KLHL4: variants seen among roughly 807,000 people sequenced by gnomAD.
KLHL4 encodes kelch-like protein 4.
In KLHL4, 17 loss-of-function variants were observed where a neutral mutation model predicts 45.8. That is an observed-to-expected ratio of 0.37 (90% confidence interval 0.25 to 0.56). The LOEUF is 0.56. Among genes scored for constraint, KLHL4 ranks in the 20% least tolerant of loss-of-function variants. The pLI is 0.79. For missense variants in KLHL4, 544 were observed against 544.9 expected (o/e 1.00, Z 0.02); for synonymous variants, 224 against 189.9 (o/e 1.18, Z -1.47).
At chrX:87,655,768 T>C (rs1923971128) in intron 9 of KLHL4, among the ~76,000 whole-genome samples, 1 of 112,011 alleles carries the variant, frequency 8.9e-6, no homozygotes, top group South Asian at 3.7e-4. Context: ...GTGTAATTGT[T>C]TTATAAGACT....
rs1437032712 is a variant in KLHL4, at chrX:87,579,571, A to T, written c.423-34306A>T. Among the ~76,000 whole-genome samples the T allele has an allele frequency of 3.6e-5, 4 of 111,697 alleles. No homozygotes were observed. The Admixed American group carries it at 3.8e-4, about 11-fold the overall frequency. On this transcript the variant is annotated intron_variant, in intron 1 of 10. Coordinates refer to ENST00000373119, the MANE Select transcript of KLHL4 (RefSeq NM_019117.5). The stretch of plus-strand genomic sequence containing the variant: ...AATTATAAAAAGTCTAGGAGAGAGA[A>T]TTTTGAAATCTGTAAGAGACAGACA...
At chrX:87,599,665 G>A (rs1435338673) in intron 1 of KLHL4, among the ~76,000 whole-genome samples, 2 of 110,362 alleles carry the variant, frequency 1.8e-5, no homozygotes, top group Admixed American at 9.7e-5. Context: ...AAAAAACAGC[G>A]ATATGATTAT....
chrX:87,609,880 G>T (rs1303492327), intron 1 of KLHL4, among the ~76,000 whole-genome samples: 2 of 111,398 alleles, frequency 1.8e-5, no homozygotes, highest in African/African-American at 6.5e-5. Context: ...TAAACTAAAA[G>T]AGTGAGAACT....
chrX:87,570,199 C>G (rs1932306233), intron 1 of KLHL4, among the ~76,000 whole-genome samples: 1 of 110,861 alleles, frequency 9.0e-6, no homozygotes, highest in African/African-American at 3.3e-5. Context: ...GAGGAAGGAG[C>G]TATTTTATCT....
At chrX:87,616,127 G>A (rs1010362662) in intron 3 of KLHL4, among the ~76,000 whole-genome samples, 1 of 111,080 alleles carries the variant, frequency 9.0e-6, no homozygotes, top group Admixed American at 9.6e-5. Context: ...AAAGGACACT[G>A]GGAAAGTAAA....
intron 3 of KLHL4, among the ~76,000 whole-genome samples, chrX:87,617,570 G>T (rs1471187877): frequency 8.9e-6 from 1 of 111,749 alleles, no homozygotes; most frequent in African/African-American, 3.2e-5. Context: ...AATTAAAATT[G>T]TATGTGTTTA....
At chrX:87,597,639 T>C (rs1921879694) in intron 1 of KLHL4, among the ~76,000 whole-genome samples, 1 of 111,691 alleles carries the variant, frequency 9.0e-6, no homozygotes, top group Non-Finnish European at 1.9e-5. Flanking sequence ...AGCGAAAGCA[T>C]TCCTTTTTGA....
chrX:87,623,115 A>G (rs1922806444), intron 5 of KLHL4, among the ~76,000 whole-genome samples: 1 of 111,012 alleles, frequency 9.0e-6, no homozygotes, highest in Admixed American at 9.6e-5. Flanking sequence ...ATATCTATTG[A>G]ATTTGTGGCT....
At chrX:87,535,921 C>T (rs1339387851) in intron 1 of KLHL4, among the ~76,000 whole-genome samples, 1 of 109,927 alleles carries the variant, frequency 9.1e-6, no homozygotes, top group Non-Finnish European at 1.9e-5. Flanking sequence ...CAACCATGTG[C>T]GGTGCCTACT....
At chrX:87,521,187 A>C (rs1930992976) in intron 1 of KLHL4, among the ~76,000 whole-genome samples, 1 of 111,665 alleles carries the variant, frequency 9.0e-6, no homozygotes, top group Non-Finnish European at 1.9e-5. Flanking sequence ...ATGTGACTTT[A>C]AATATTTTTG....
At chrX:87,635,465 T>A (rs1205935346) in intron 8 of KLHL4, 98 bp from the exon 9 acceptor site, 4 of 607,661 alleles carry the variant, frequency 6.6e-6, no homozygotes, top group Non-Finnish European at 1.0e-5. Context: ...CTTGAAAAGC[T>A]TTGTACAAAG....
At chrX:87,595,938 G>A (rs780188031) in intron 1 of KLHL4, among the ~76,000 whole-genome samples, 2 of 111,685 alleles carry the variant, frequency 1.8e-5, no homozygotes, top group Non-Finnish European at 3.8e-5. Context: ...GGTGGGGCCT[G>A]TTGGGAGGTG....
intron 1 of KLHL4, among the ~76,000 whole-genome samples, chrX:87,565,685 C>CAAAAA (rs748577568): frequency 3.8e-5 from 1 of 26,268 alleles, no homozygotes; most frequent in Non-Finnish European, 6.3e-5. Context: ...GTGATTGTGC[C>CAAAAA]AAAAAAAAAA....
rs937588874 is a variant in KLHL4 at position 87,633,733 on chromosome X, A to C, written c.1550-16A>C. ...GCATACCTAGGTGAACCCACATATT[A>C]TTTTAATTTTTTTAGGTGTAGCCAC... On this transcript the variant is annotated splice_polypyrimidine_tract_variant and intron_variant, in intron 7 of 10. Coordinates refer to ENST00000373119, the MANE Select transcript of KLHL4 (RefSeq NM_019117.5). 2.1e-5 allele frequency: 25 copies of C among 1,163,129 alleles called. No individual in the cohort carries two copies. Among genetic ancestry groups the C allele is most frequent in the Non-Finnish European group, 2.9e-5 (25 of 868,651 alleles).
At position 87,518,250 on chromosome X, in the gene KLHL4, TTG is replaced by T; in HGVS notation, c.360_361del (p.Cys120Ter). 2.5e-6 allele frequency: 3 copies of T among 1,211,536 alleles called. No individual in the cohort carries two copies. In the South Asian group the frequency reaches 5.3e-5, roughly 21 times the overall value. On this transcript the variant is annotated frameshift_variant, in exon 1 of 11. Transcript: ENST00000373119. LOFTEE classifies it high-confidence loss of function. ...CAGAGAAGAATTTATTCAAAGAAGC[TTG>T]TGAGAAACGCGCACAAGATTTGGAG... ...VPEKNLFKEA[C>X]EKRAQDLEMM... is the part of the protein sequence containing the mutation.
At chrX:87,653,005 C>A (rs916410281) in intron 9 of KLHL4, among the ~76,000 whole-genome samples, 1 of 111,873 alleles carries the variant, frequency 8.9e-6, no homozygotes, top group African/African-American at 3.2e-5. Flanking sequence ...GAGAGCCAAG[C>A]AAAATGAGTT....
chrX:87,547,807 C>G (rs1292008256), intron 1 of KLHL4, among the ~76,000 whole-genome samples: 2 of 110,612 alleles, frequency 1.8e-5, no homozygotes, highest in African/African-American at 3.3e-5. Context: ...GGTGACAGAG[C>G]AAGACTCCAT....
intron 1 of KLHL4, among the ~76,000 whole-genome samples, chrX:87,560,389 T>C (rs1197555258): frequency 8.9e-6 from 1 of 112,016 alleles, no homozygotes; most frequent in Non-Finnish European, 1.9e-5. Flanking sequence ...TCAATAAGAA[T>C]GTTTTCATTT....
At chrX:87,591,713 C>T (rs1376826182) in intron 1 of KLHL4, among the ~76,000 whole-genome samples, 4 of 111,412 alleles carry the variant, frequency 3.6e-5, no homozygotes, top group Non-Finnish European at 5.7e-5. Flanking sequence ...ATTAATTTAA[C>T]ATTTTTAAAT....
Sources: gnomAD v4.1 joint callset for allele counts (sites outside exome capture counted in the v4.1 genomes callset) on GRCh38, gnomAD v4.1.1 for gene constraint, MANE v1.5 for transcripts, NCBI Gene and HGNC (gene_info 2026-07-23, HGNC 2026-07-21) for gene names.